SLC24A2: variants seen among roughly 807,000 people sequenced by gnomAD.
The protein encoded by SLC24A2 is sodium/potassium/calcium exchanger 2.
In SLC24A2, 36 loss-of-function variants were observed where a neutral mutation model predicts 62.0. The ratio of observed to expected loss-of-function variants is 0.58; its 90% CI spans 0.44 to 0.77. SLC24A2 has a LOEUF of 0.77. Among genes scored for constraint, SLC24A2 ranks in the 30% least tolerant of loss-of-function variants. The pLI is 0.00. For synonymous variants in SLC24A2, 358 were observed against 294.0 expected (o/e 1.22, Z -2.23); for missense variants, 846 against 817.9 (o/e 1.03, Z -0.42).
chr9:19,814,503 T>C, the SLC24A2 span, among the ~76,000 whole-genome samples: 1 of 152,206 alleles, frequency 6.6e-6, no homozygotes, highest in Non-Finnish European at 1.5e-5. Context: ...CCAAACAACC[T>C]TGAGGTAGTA....
chr9:19,759,914 T>G (rs755514206), intron 2 of SLC24A2, among the ~76,000 whole-genome samples: 33 of 152,202 alleles, frequency 2.2e-4, no homozygotes, highest in Non-Finnish European at 4.4e-4. Flanking sequence ...TAATGTGGCC[T>G]TTTAAAATAA....
At chr9:20,301,140 A>C in the SLC24A2 span, among the ~76,000 whole-genome samples, 1 of 152,174 alleles carries the variant, frequency 6.6e-6, no homozygotes, top group African/African-American at 2.4e-5. Flanking sequence ...GCAAAAACAC[A>C]AAGGCACACA....
the SLC24A2 span, among the ~76,000 whole-genome samples, chr9:20,162,845 T>C: frequency 3.3e-5 from 5 of 152,100 alleles, no homozygotes; most frequent in Admixed American, 3.3e-4. Context: ...ACAATAAATG[T>C]AATCCAGCAC....
At chr9:19,996,745 CAAAA>C in the SLC24A2 span, among the ~76,000 whole-genome samples, 1 of 66,676 alleles carries the variant, frequency 1.5e-5, no homozygotes, top group Non-Finnish European at 3.0e-5. Flanking sequence ...GACTCCGTCT[CAAAA>C]AAAAAAAAAA....
chr9:19,521,760 C>A (rs1209126072), intron 9 of SLC24A2, among the ~76,000 whole-genome samples: 2 of 152,142 alleles, frequency 1.3e-5, no homozygotes, highest in East Asian at 3.9e-4. Context: ...ATAATACCTA[C>A]CTTACCAGGT....
At chr9:20,096,750 T>C in the SLC24A2 span, among the ~76,000 whole-genome samples, 3 of 152,272 alleles carry the variant, frequency 2.0e-5, no homozygotes, top group South Asian at 2.1e-4. Context: ...TGAATATTCT[T>C]TTTTTTAATG....
chr9:19,575,188 G>A (rs1453730183), intron 6 of SLC24A2, among the ~76,000 whole-genome samples: 5 of 152,180 alleles, frequency 3.3e-5, no homozygotes, highest in Non-Finnish European at 7.3e-5. Flanking sequence ...ATCTTTCCAA[G>A]TTTTTAGTAG....
At chr9:19,539,441 T>G (rs1316040439) in intron 8 of SLC24A2, among the ~76,000 whole-genome samples, 1 of 151,906 alleles carries the variant, frequency 6.6e-6, no homozygotes, top group Non-Finnish European at 1.5e-5. Flanking sequence ...CATCTTTATT[T>G]CTGCCTTCAT....
intron 3 of SLC24A2, among the ~76,000 whole-genome samples, chr9:19,621,700 A>G (rs1005503799): frequency 1.3e-5 from 2 of 152,208 alleles, no homozygotes; most frequent in East Asian, 1.9e-4. Context: ...ATAACTCGTC[A>G]TAACTATTAT....
At chr9:20,029,990 G>A in the SLC24A2 span, among the ~76,000 whole-genome samples, 1 of 152,130 alleles carries the variant, frequency 6.6e-6, no homozygotes, top group Non-Finnish European at 1.5e-5. Context: ...TTTTTGAAAT[G>A]GCATCACAAA....
the SLC24A2 span, among the ~76,000 whole-genome samples, chr9:20,170,292 A>G: frequency 6.6e-6 from 1 of 152,006 alleles, no homozygotes; most frequent in African/African-American, 2.4e-5. Flanking sequence ...AAGTTGTCTC[A>G]GCAAGGCAAT....
Position 19,514,605 on chromosome 9 carries a change from T to A in SLC24A2, c.*1548A>T, listed in dbSNP as rs958390853. The A allele has an allele frequency of 6.6e-6, 1 of 152,228 alleles. No homozygotes were observed. Among genetic ancestry groups the A allele is most frequent in the Non-Finnish European group, 1.5e-5 (1 of 68,042 alleles). The allele number at this position is 152,228 out of a possible 1,614,324, so 9.4% of individuals were successfully genotyped here. A position where few individuals can be genotyped will look rare whatever the true frequency, so the allele number is the denominator to read the frequency against. ...ACTTGGGGGCGTGGAATATTTTAATTTCATGCATTCAATGTAATGTTGAGC... is the reference window on the plus strand; with the variant it reads ...ACTTGGGGGCGTGGAATATTTTAATATCATGCATTCAATGTAATGTTGAGC... On this transcript the variant is annotated 3_prime_UTR_variant, in exon 11 of 11. Transcript: ENST00000341998.
the SLC24A2 span, among the ~76,000 whole-genome samples, chr9:19,896,348 G>A: frequency 2.0e-5 from 3 of 152,150 alleles, no homozygotes; most frequent in Non-Finnish European, 4.4e-5. Flanking sequence ...ATGTGGCACT[G>A]GTCTTTCCAG....
At chr9:20,004,988 A>C in the SLC24A2 span, among the ~76,000 whole-genome samples, 1 of 152,174 alleles carries the variant, frequency 6.6e-6, no homozygotes, top group Non-Finnish European at 1.5e-5. Flanking sequence ...TTATTGCTCC[A>C]GTCTATTGGT....
the SLC24A2 span, among the ~76,000 whole-genome samples, chr9:19,821,402 T>G: frequency 6.6e-6 from 1 of 152,106 alleles, no homozygotes; most frequent in Non-Finnish European, 1.5e-5. Context: ...ACGGATTTAT[T>G]TTTTGCCTTT....
chr9:20,151,229 A>G, the SLC24A2 span, among the ~76,000 whole-genome samples: 1 of 152,016 alleles, frequency 6.6e-6, no homozygotes, highest in Non-Finnish European at 1.5e-5. Flanking sequence ...GCATATATCA[A>G]TTCAAAGCTT....
At chr9:20,237,048 C>G in the SLC24A2 span, among the ~76,000 whole-genome samples, 3 of 152,134 alleles carry the variant, frequency 2.0e-5, no homozygotes, top group South Asian at 2.1e-4. Context: ...GAGCCTGAAT[C>G]GCAAACACCA....
At chr9:20,284,364 A>T in the SLC24A2 span, among the ~76,000 whole-genome samples, 1 of 151,900 alleles carries the variant, frequency 6.6e-6, no homozygotes, top group Non-Finnish European at 1.5e-5. Context: ...AGCAGGCTCG[A>T]ACTCCTAGGC....
the SLC24A2 span, among the ~76,000 whole-genome samples, chr9:20,016,206 A>AT: frequency 9.9e-5 from 15 of 152,192 alleles, no homozygotes; most frequent in East Asian, 1.9e-4. Flanking sequence ...CCAAAATATT[A>AT]TTTTTTTAGC....
Sources: gnomAD v4.1 joint callset for allele counts (sites outside exome capture counted in the v4.1 genomes callset) on GRCh38, gnomAD v4.1.1 for gene constraint, MANE v1.5 for transcripts, NCBI Gene and HGNC (gene_info 2026-07-23, HGNC 2026-07-21) for gene names.